The following TBC1D19 variants were observed in gnomAD, a reference collection of about 807,000 sequenced individuals.
The protein encoded by TBC1D19 is TBC1 domain family, member 19.
TBC1D19 carries 60 observed loss-of-function variants against 89.0 expected under a neutral mutation model. That is an observed-to-expected ratio of 0.67 (90% CI 0.55 to 0.84). The LOEUF (loss-of-function observed/expected upper bound fraction) is 0.84. Ranked by LOEUF, TBC1D19 falls within the 40% of genes least tolerant of loss-of-function variation. TBC1D19 has a pLI of 0.00. For synonymous variants in TBC1D19, 189 were observed against 199.7 expected (o/e 0.95, Z 0.45); for missense variants, 500 against 610.8 (o/e 0.82, Z 1.91).
At chr4:26,649,895 A>T (rs1216474946) in intron 7 of TBC1D19, among the ~76,000 whole-genome samples, 3 of 151,930 alleles carry the variant, frequency 2.0e-5, no homozygotes, top group Admixed American at 6.6e-5. Context: ...CCAGTGTGTG[A>T]TATTCTCCTT....
chr4:26,727,796 G>A (rs905148581), intron 15 of TBC1D19, among the ~76,000 whole-genome samples: 1 of 152,008 alleles, frequency 6.6e-6, no homozygotes, highest in African/African-American at 2.4e-5. Flanking sequence ...TTATATTTTA[G>A]TATTTTATTT....
At chr4:26,720,916 G>A (rs1716932769) in intron 15 of TBC1D19, among the ~76,000 whole-genome samples, 2 of 152,212 alleles carry the variant, frequency 1.3e-5, no homozygotes, top group South Asian at 4.1e-4. Context: ...GACATGTAGT[G>A]AGTGCTCAGA....
chr4:26,690,614 A>G (rs1714189628), intron 13 of TBC1D19, among the ~76,000 whole-genome samples: 1 of 152,220 alleles, frequency 6.6e-6, no homozygotes, highest in African/African-American at 2.4e-5. Context: ...CCTGTGCTCT[A>G]TAAATGGAAC....
At chr4:26,798,997 C>T in the TBC1D19 span, among the ~76,000 whole-genome samples, 2 of 151,962 alleles carry the variant, frequency 1.3e-5, no homozygotes, top group Admixed American at 6.6e-5. Flanking sequence ...TGCCAGCTAA[C>T]AAACATGCAC....
At chr4:26,687,521 T>G (rs551514811) in intron 12 of TBC1D19, among the ~76,000 whole-genome samples, 10 of 152,316 alleles carry the variant, frequency 6.6e-5, no homozygotes, top group Middle Eastern at 3.4e-3. Flanking sequence ...TTCATTTTTC[T>G]AGACTTTTGT....
At chr4:26,654,405 A>G (rs757632256) in intron 7 of TBC1D19, among the ~76,000 whole-genome samples, 3 of 152,056 alleles carry the variant, frequency 2.0e-5, no homozygotes, top group Non-Finnish European at 4.4e-5. Flanking sequence ...TATTTCCTGC[A>G]TTTGAATGTT....
the TBC1D19 span, among the ~76,000 whole-genome samples, chr4:26,788,889 C>T: frequency 1.1e-4 from 17 of 152,306 alleles, no homozygotes; most frequent in East Asian, 9.6e-4. Context: ...GGGTGGGAGT[C>T]GCTGAGCTAC....
intron 17 of TBC1D19, chr4:26,740,884 T>G: frequency 1.0e-6 from 1 of 985,428 alleles, no homozygotes. Context: ...CCAGTTTTGC[T>G]TTCATACATC....
intron 15 of TBC1D19, among the ~76,000 whole-genome samples, chr4:26,721,818 C>G (rs1397115168): frequency 6.6e-6 from 1 of 152,154 alleles, no homozygotes; most frequent in Non-Finnish European, 1.5e-5. Flanking sequence ...GCTACATACT[C>G]TCACGAAAGC....
intron 7 of TBC1D19, among the ~76,000 whole-genome samples, chr4:26,650,936 T>A (rs1032088974): frequency 1.5e-4 from 23 of 152,244 alleles, no homozygotes; most frequent in Non-Finnish European, 7.4e-5. Flanking sequence ...CTACATATGG[T>A]TAGCCAGTTT....
downstream of TBC1D19, among the ~76,000 whole-genome samples, chr4:26,756,570 T>C (rs1454017903): frequency 6.6e-6 from 1 of 152,158 alleles, no homozygotes; most frequent in African/African-American, 2.4e-5. Context: ...CAACAAATGG[T>C]AGGAACTTAT....
the TBC1D19 span, among the ~76,000 whole-genome samples, chr4:26,775,132 T>G: frequency 0.013 from 2,054 of 152,284 alleles, 42 homozygotes; most frequent in African/African-American, 0.047. Flanking sequence ...ATTTGAAAGC[T>G]TGTACCCTCC....
At chr4:26,589,433 T>G (rs1337918889) in intron 1 of TBC1D19, among the ~76,000 whole-genome samples, 1 of 152,162 alleles carries the variant, frequency 6.6e-6, no homozygotes, top group African/African-American at 2.4e-5. Context: ...CAGGGGGAGA[T>G]CTCTCTTTGT....
chr4:26,741,781 T>G (rs953241237), intron 17 of TBC1D19, among the ~76,000 whole-genome samples: 5 of 152,164 alleles, frequency 3.3e-5, no homozygotes, highest in African/African-American at 1.2e-4. Context: ...AGATAAACTC[T>G]GAGGAATGCT....
chr4:26,795,613 AAAGTCTGAGTACCTGAGG>A, the TBC1D19 span, among the ~76,000 whole-genome samples: 1 of 152,136 alleles, frequency 6.6e-6, no homozygotes, highest in Non-Finnish European at 1.5e-5. Flanking sequence ...CTTCTCTAGG[AAAGTCTGAGTACCTGAGG>A]AAGTCCTGGG....
chr4:26,584,927 T>G (rs1739325185), intron 1 of TBC1D19: 1 of 196,032 alleles, frequency 5.1e-6, no homozygotes, highest in Admixed American at 5.8e-5. Flanking sequence ...TTTCTGGCAT[T>G]AACACAGTGC....
intron 1 of TBC1D19, among the ~76,000 whole-genome samples, chr4:26,590,817 TTTTTTTTTTTG>T (rs1739741054): frequency 7.5e-6 from 1 of 132,530 alleles, no homozygotes; most frequent in African/African-American, 2.8e-5. Context: ...TTTTTTTTTT[TTTTTTTTTTTG>T]TGAGTCAGTG....
the TBC1D19 span, among the ~76,000 whole-genome samples, chr4:26,771,859 C>T: frequency 1.3e-5 from 2 of 151,782 alleles, no homozygotes; most frequent in Non-Finnish European, 2.9e-5. Context: ...AATTAAACCC[C>T]AAAATAAGTA....
the TBC1D19 span, among the ~76,000 whole-genome samples, chr4:26,794,743 A>G: frequency 6.6e-6 from 1 of 152,264 alleles, no homozygotes; most frequent in Non-Finnish European, 1.5e-5. Context: ...TCTAGGCCAT[A>G]GAAAATTTTT....
Sources: gnomAD v4.1 joint callset for allele counts (sites outside exome capture counted in the v4.1 genomes callset) on GRCh38, gnomAD v4.1.1 for gene constraint, MANE v1.5 for transcripts, NCBI Gene and HGNC (gene_info 2026-07-23, HGNC 2026-07-21) for gene names.